The following ARID1B variants were observed in gnomAD, a reference collection of about 807,000 sequenced individuals.
ARID1B encodes AT-rich interactive domain-containing protein 1B.
In ARID1B, 30 loss-of-function variants were observed where a neutral mutation model predicts 212.3. The ratio of observed to expected loss-of-function variants is 0.14; its 90% CI spans 0.11 to 0.19. ARID1B has a LOEUF of 0.19. Ranked by LOEUF, ARID1B falls within the 10% of genes least tolerant of loss-of-function variation. The pLI, the probability that ARID1B is intolerant of heterozygous loss-of-function variation, is 1.00. For missense variants in ARID1B, 2,891 were observed against 3,204.0 expected, an observed-to-expected ratio of 0.90 and a Z score of 2.36; for synonymous variants, 1,402 against 1,301.7, an observed-to-expected ratio of 1.08 and a Z score of -1.66.
At position 156,900,611 on chromosome 6, in the gene ARID1B, A is replaced by G. The variant is rs534326635; in HGVS notation, c.1987-765A>G. Reference sequence around the variant, plus strand: ...CCTGCTCTCTCTTGAAATTACAGAAAAAGGCAATAGATTTCTCATTAAGAA... The same window carrying G: ...CCTGCTCTCTCTTGAAATTACAGAAGAAGGCAATAGATTTCTCATTAAGAA... On this transcript the variant is annotated intron_variant, in intron 2 of 19. Transcript: ENST00000636930. Among the ~76,000 whole-genome samples the G allele has an allele frequency of 7.3e-4, 111 of 152,310 alleles. 4 individuals are homozygous for G. The South Asian group carries it at 0.022, about 30-fold the overall frequency.
In ARID1B at chr6:157,196,259, T is replaced by C. The variant is rs994473654; in HGVS notation, c.4326T>C (p.Ser1442=). 3.7e-6 allele frequency: 6 copies of C among 1,612,592 alleles called. No individual in the cohort carries two copies. Among genetic ancestry groups the C allele is most frequent in the Non-Finnish European group, 5.1e-6 (6 of 1,179,650 alleles). The change falls in exon 16 of 20, where the codon TCT becomes TCC. Residue 1442 remains serine, a synonymous_variant. Transcript: ENST00000636930. The part of the protein sequence containing the change: ...MYNQSPSGAM[S]NLGMGQRQQF... ...ACCAAAGTCCCTCCGGAGCAATGTC[T>C]AACCTGGGCATGGGGCAGCGCCAGC... is the stretch of plus-strand genomic sequence containing the variant.
At chr6:156,779,573 G>A in intron 1 of ARID1B, 102 bp downstream of exon 1, 20 of 1,122,564 alleles carry the variant, frequency 1.8e-5, no homozygotes, top group Non-Finnish European at 2.2e-5. Flanking sequence ...TCTTCCCGCG[G>A]GGGCGGCGGG....
intron 4 of ARID1B, among the ~76,000 whole-genome samples, chr6:157,055,293 C>G (rs1782880161): frequency 6.6e-6 from 1 of 152,244 alleles, no homozygotes; most frequent in South Asian, 2.1e-4. Context: ...ATTAGTTTAC[C>G]CATCTTATTT....
intron 2 of ARID1B, among the ~76,000 whole-genome samples, chr6:156,859,752 G>A (rs1727534215): frequency 6.6e-6 from 1 of 152,234 alleles, no homozygotes; most frequent in African/African-American, 2.4e-5. Context: ...TTACCACTGA[G>A]TTGTCCTTCC....
intron 3 of ARID1B, among the ~76,000 whole-genome samples, chr6:156,912,369 G>A (rs949516762): frequency 1.3e-5 from 2 of 148,976 alleles, no homozygotes; most frequent in African/African-American, 5.0e-5. Context: ...GCTCCTGCAT[G>A]TACTCTTAAA....
At chr6:157,152,150 A>G (rs140817296) in intron 8 of ARID1B, 1 of 152,330 alleles carries the variant, frequency 6.6e-6, no homozygotes, top group East Asian at 1.9e-4. Flanking sequence ...ATCTGCAGCT[A>G]ATCCATAGGA....
chr6:156,934,772 T>C (rs889710191), intron 3 of ARID1B, among the ~76,000 whole-genome samples: 2 of 151,678 alleles, frequency 1.3e-5, no homozygotes, highest in Non-Finnish European at 2.9e-5. Flanking sequence ...GCTTTTGGTT[T>C]GCTCTGGGTT....
chr6:157,070,221 T>C (rs1783927772), intron 4 of ARID1B, among the ~76,000 whole-genome samples: 2 of 152,142 alleles, frequency 1.3e-5, no homozygotes, highest in Admixed American at 6.5e-5. Flanking sequence ...TTTTTCTTTT[T>C]TTTTTAAAGA....
At chr6:156,837,764 G>A (rs1256307824) in intron 2 of ARID1B, among the ~76,000 whole-genome samples, 1 of 152,172 alleles carries the variant, frequency 6.6e-6, no homozygotes, top group Non-Finnish European at 1.5e-5. Flanking sequence ...GCAAGTAGGG[G>A]ATTATAAAGA....
chr6:156,941,825 T>C (rs1463848570), intron 4 of ARID1B: 5 of 152,212 alleles, frequency 3.3e-5, no homozygotes. Flanking sequence ...TAATGGAAAG[T>C]CTGAATAAAT....
intron 4 of ARID1B, among the ~76,000 whole-genome samples, chr6:157,049,583 C>T (rs1407300451): frequency 6.6e-6 from 1 of 152,198 alleles, no homozygotes; most frequent in Non-Finnish European, 1.5e-5. Flanking sequence ...AACCTCCCTT[C>T]ACTCTTCCAC....
intron 5 of ARID1B, among the ~76,000 whole-genome samples, chr6:157,102,674 G>A (rs1333690680): frequency 3.7e-5 from 5 of 134,282 alleles, no homozygotes; most frequent in Middle Eastern, 3.9e-3. Context: ...GTACAGTGGC[G>A]CAATCTCTGC....
intron 3 of ARID1B, chr6:156,901,772 A>G (rs944551228): frequency 1.8e-6 from 1 of 555,606 alleles, no homozygotes; most frequent in Non-Finnish European, 3.1e-6. Context: ...GGCAGCAGAA[A>G]GTGTCAGTCA....
chr6:156,984,672 A>T (rs284423), intron 4 of ARID1B: 147,198 of 152,278 alleles, frequency 0.97, 71,180 homozygotes, highest in East Asian at 0.99. Flanking sequence ...GGAGTTTCTT[A>T]CTTTTCTTTC....
intron 4 of ARID1B, among the ~76,000 whole-genome samples, chr6:157,011,513 T>C (rs1176387369): frequency 6.6e-6 from 1 of 152,176 alleles, no homozygotes; most frequent in Non-Finnish European, 1.5e-5. Flanking sequence ...TATGGTGAAG[T>C]ATAAAATGAA....
chr6:156,946,329 G>C (rs1023345430), intron 4 of ARID1B, among the ~76,000 whole-genome samples: 1 of 152,038 alleles, frequency 6.6e-6, no homozygotes, highest in Non-Finnish European at 1.5e-5. Flanking sequence ...CCGAGATTGT[G>C]CCATTGCACT....
chr6:157,062,660 A>C (rs1319108792), intron 4 of ARID1B, among the ~76,000 whole-genome samples: 1 of 151,436 alleles, frequency 6.6e-6, no homozygotes. Context: ...GTTGTTTCAT[A>C]CAAAGTGTCT....
At chr6:157,180,852 A>C in intron 11 of ARID1B, 117 bp from the exon 12 acceptor site, 2 of 758,474 alleles carry the variant, frequency 2.6e-6, no homozygotes, top group Non-Finnish European at 4.2e-6. Context: ...GTGTGATAGC[A>C]GTAGTTTTTA....
intron 3 of ARID1B, among the ~76,000 whole-genome samples, chr6:156,930,799 A>G (rs1254202924): frequency 6.6e-6 from 1 of 152,226 alleles, no homozygotes; most frequent in Non-Finnish European, 1.5e-5. Flanking sequence ...CGTGCTGTTT[A>G]CAGAAAATAT....
Sources: gnomAD v4.1 joint callset for allele counts (sites outside exome capture counted in the v4.1 genomes callset) on GRCh38, gnomAD v4.1.1 for gene constraint, MANE v1.5 for transcripts, NCBI Gene and HGNC (gene_info 2026-07-23, HGNC 2026-07-21) for gene names.